The following EYS variants were observed in gnomAD, a reference collection of about 807,000 sequenced individuals.
The protein encoded by EYS is protein eyes shut homolog.
A neutral mutation model predicts 282.1 loss-of-function variants in EYS; 250 were observed. The ratio of observed to expected loss-of-function variants is 0.89; its 90% CI spans 0.80 to 0.98. The LOEUF (loss-of-function observed/expected upper bound fraction) is 0.98, where lower values mean the gene tolerates loss of function less well. Among genes scored for constraint, EYS ranks in the 50% least tolerant of loss-of-function variants. The pLI is 0.00. For missense variants in EYS, 4,016 were observed against 3,709.0 expected, an observed-to-expected ratio of 1.08 and a Z score of -2.15; for synonymous variants, 1,355 against 1,282.9, an observed-to-expected ratio of 1.06 and a Z score of -1.20.
intron 41 of EYS, among the ~76,000 whole-genome samples, chr6:63,746,313 G>C (rs1010568045): frequency 6.6e-6 from 1 of 152,132 alleles, no homozygotes; most frequent in Non-Finnish European, 1.5e-5. Flanking sequence ...ATGTGCTGCC[G>C]GATTTAGTTT....
chr6:64,768,591 T>C (rs945351790), intron 22 of EYS, among the ~76,000 whole-genome samples: 4 of 152,208 alleles, frequency 2.6e-5, no homozygotes, highest in Non-Finnish European at 4.4e-5. Context: ...TCCCTGGTCA[T>C]ATCAGAAAGT....
chr6:64,337,934 T>C (rs2150394643), intron 29 of EYS, among the ~76,000 whole-genome samples: 1 of 152,074 alleles, frequency 6.6e-6, no homozygotes, highest in African/African-American at 2.4e-5. Context: ...CAGTATTGCT[T>C]TATGATTAAA....
chr6:65,341,596 A>ATT (rs1770201825), intron 10 of EYS, among the ~76,000 whole-genome samples: 4 of 151,236 alleles, frequency 2.6e-5, no homozygotes, highest in African/African-American at 9.7e-5. Flanking sequence ...TTTCATTTTC[A>ATT]TGCTTCTGGG....
chr6:63,869,776 T>C (rs1229102465), intron 35 of EYS, among the ~76,000 whole-genome samples: 1 of 152,132 alleles, frequency 6.6e-6, no homozygotes, highest in Non-Finnish European at 1.5e-5. Context: ...AAGACAAATA[T>C]GATGAAATCT....
chr6:64,329,902 T>A (rs1200824642), intron 29 of EYS, among the ~76,000 whole-genome samples: 1 of 152,150 alleles, frequency 6.6e-6, no homozygotes. Context: ...TGCTTATACA[T>A]AAAGGATGCA....
intron 15 of EYS, among the ~76,000 whole-genome samples, chr6:64,927,727 G>A (rs1049042964): frequency 6.6e-6 from 1 of 151,796 alleles, no homozygotes; most frequent in African/African-American, 2.4e-5. Flanking sequence ...CCTCATATAA[G>A]AAACAAACAT....
intron 28 of EYS, among the ~76,000 whole-genome samples, chr6:64,394,938 A>G (rs955045546): frequency 6.6e-6 from 1 of 152,224 alleles, no homozygotes; most frequent in Non-Finnish European, 1.5e-5. Context: ...TTTACAAGAA[A>G]AAAACAAACA....
chr6:64,294,698 C>G (rs1030386243), intron 30 of EYS, among the ~76,000 whole-genome samples: 1 of 151,986 alleles, frequency 6.6e-6, no homozygotes, highest in African/African-American at 2.4e-5. Context: ...CACTGATAGT[C>G]AAAGATAATA....
chr6:65,538,455 C>T (rs1768041271), intron 2 of EYS, among the ~76,000 whole-genome samples: 1 of 152,082 alleles, frequency 6.6e-6, no homozygotes, highest in Non-Finnish European at 1.5e-5. Flanking sequence ...GTACCAGATC[C>T]TGTTGTTAAG....
intron 28 of EYS, among the ~76,000 whole-genome samples, chr6:64,397,474 T>C (rs948160737): frequency 6.6e-6 from 1 of 152,054 alleles, no homozygotes; most frequent in Non-Finnish European, 1.5e-5. Context: ...ATTACATGTA[T>C]TTAGTTGATA....
rs1028216656 is a variant in EYS at position 64,660,031 on chromosome 6, A to G, written c.3444-33786T>C. Reference sequence around the variant, plus strand: ...AATCCAGCAGCACATCAAAAAGCTTATCCACTATGATCAAGCAGGCTTCAT... The same window carrying G: ...AATCCAGCAGCACATCAAAAAGCTTGTCCACTATGATCAAGCAGGCTTCAT... On this transcript the variant is annotated intron_variant, in intron 22 of 42. Transcript: ENST00000503581. 1.0e-3 allele frequency among the ~76,000 whole-genome samples: 153 copies of G among 152,332 alleles called. 1 individual carries two copies. The highest frequency in any genetic ancestry group is 3.6e-3 in the African/African-American group (150 of 41,574).
intron 12 of EYS, among the ~76,000 whole-genome samples, chr6:65,177,660 A>G (rs1242776838): frequency 6.6e-6 from 1 of 151,902 alleles, no homozygotes; most frequent in Admixed American, 6.6e-5. Flanking sequence ...AATTGCATTC[A>G]GAGATGGCTT....
At chr6:65,441,775 C>A (rs987392773) in intron 5 of EYS, among the ~76,000 whole-genome samples, 11 of 152,038 alleles carry the variant, frequency 7.2e-5, no homozygotes, top group Admixed American at 6.6e-4. Flanking sequence ...ACTTCAAATT[C>A]TCCTGCTTTC....
intron 30 of EYS, among the ~76,000 whole-genome samples, chr6:64,250,968 A>C (rs1050312310): frequency 1.3e-5 from 2 of 152,196 alleles, no homozygotes; most frequent in Non-Finnish European, 2.9e-5. Flanking sequence ...GGAAACACGT[A>C]AGTAGATCAA....
chr6:64,200,144 A>G (rs1469043156), intron 31 of EYS, among the ~76,000 whole-genome samples: 1 of 152,218 alleles, frequency 6.6e-6, no homozygotes, highest in Non-Finnish European at 1.5e-5. Context: ...TAGAGGCAGT[A>G]AAAGAGACCA....
chr6:64,908,648 G>A (rs1235169853), intron 16 of EYS, among the ~76,000 whole-genome samples: 1 of 152,062 alleles, frequency 6.6e-6, no homozygotes, highest in African/African-American at 2.4e-5. Flanking sequence ...GGTACAGGAA[G>A]GACAGGTCGT....
At chr6:64,555,072 T>C (rs1288213253) in intron 26 of EYS, among the ~76,000 whole-genome samples, 1 of 151,964 alleles carries the variant, frequency 6.6e-6, no homozygotes, top group African/African-American at 2.4e-5. Flanking sequence ...CTTCCTTTCA[T>C]GTTTACTGCA....
chr6:64,803,399 G>A (rs1255175843), intron 22 of EYS, among the ~76,000 whole-genome samples: 2 of 151,998 alleles, frequency 1.3e-5, no homozygotes, highest in Non-Finnish European at 2.9e-5. Context: ...TGGTTTATGG[G>A]CTTTAGAAGG....
intron 29 of EYS, among the ~76,000 whole-genome samples, chr6:64,358,479 G>T (rs1771904103): frequency 6.6e-6 from 1 of 151,572 alleles, no homozygotes; most frequent in African/African-American, 2.4e-5. Context: ...TTCATGTGGG[G>T]TCTTCCAGTA....
Sources: allele counts gnomAD v4.1 joint callset (sites outside exome capture counted in the v4.1 genomes callset), GRCh38; gene constraint gnomAD v4.1.1; transcripts MANE v1.5; gene names NCBI Gene and HGNC (gene_info 2026-07-23, HGNC 2026-07-21).